Variants in ZNF804A observed in about 807,000 individuals in gnomAD.
ZNF804A encodes the protein zinc finger protein 804A.
ZNF804A carries 2 observed loss-of-function variants against 16.5 expected under a neutral mutation model. That is an observed-to-expected ratio of 0.12 (90% confidence interval 0.05 to 0.38). ZNF804A has a LOEUF of 0.38. Ranked by LOEUF, ZNF804A falls within the 10% of genes least tolerant of loss-of-function variation. ZNF804A has a pLI of 0.99. For missense variants in ZNF804A, 1,473 were observed against 1,390.7 expected, an observed-to-expected ratio of 1.06 and a Z score of -0.94; for synonymous variants, 534 against 489.6, an observed-to-expected ratio of 1.09 and a Z score of -1.20.
rs191953787 is a variant in ZNF804A, at chr2:184,624,224, G to A, written c.111+25154G>A. 4.6e-5 allele frequency among the ~76,000 whole-genome samples: 7 copies of A among 152,162 alleles called. No homozygotes were observed. In the East Asian group the frequency reaches 9.7e-4, roughly 21 times the overall value. On this transcript the variant is annotated intron_variant, in intron 1 of 3. Transcript: ENST00000302277. ...AGAATGGTGATACAACTATGTGTAT[G>A]TACTTAATGCCAATGAGTTATACAC...
intron 1 of ZNF804A, among the ~76,000 whole-genome samples, chr2:184,781,524 CT>C (rs1437024698): frequency 6.6e-6 from 1 of 151,736 alleles, no homozygotes; most frequent in Non-Finnish European, 1.5e-5. Flanking sequence ...ACTTATTCTA[CT>C]TTATGAAAAA....
intron 1 of ZNF804A, among the ~76,000 whole-genome samples, chr2:184,698,575 G>A (rs892696645): frequency 2.0e-5 from 3 of 152,052 alleles, no homozygotes; most frequent in South Asian, 2.1e-4. Flanking sequence ...GCTTTACACT[G>A]CAAATGGTGG....
intron 3 of ZNF804A, 41 bp downstream of exon 3, chr2:184,933,774 C>T (rs767265251): frequency 1.3e-6 from 2 of 1,577,934 alleles, no homozygotes; most frequent in Admixed American, 2.0e-5. Flanking sequence ...TAAAACATGA[C>T]CAAAAAAGGG....
intron 1 of ZNF804A, among the ~76,000 whole-genome samples, chr2:184,681,181 G>A (rs1413320849): frequency 6.6e-6 from 1 of 152,180 alleles, no homozygotes; most frequent in Non-Finnish European, 1.5e-5. Flanking sequence ...AGTGGGCCCA[G>A]GCAAAACTCA....
In ZNF804A at chr2:184,919,182, G is replaced by A. The variant is rs1424687276; in HGVS notation, c.256-14421G>A. ...TTGTGAGAATCATTGAGTGCAGGGA[G>A]GGCAAATCCATACCCAGAGTAAATT... On this transcript the variant is annotated intron_variant, in intron 2 of 3. Transcript: ENST00000302277. Among the ~76,000 whole-genome samples, 4 of 152,308 alleles carry A rather than the reference G, an allele frequency of 2.6e-5. No homozygotes were observed. In the South Asian group the frequency reaches 8.3e-4, roughly 32 times the overall value.
At chr2:184,704,245 G>A (rs558296224) in intron 1 of ZNF804A, among the ~76,000 whole-genome samples, 92 of 151,344 alleles carry the variant, frequency 6.1e-4, no homozygotes, top group African/African-American at 2.1e-3. Context: ...CCCGCCTCCC[G>A]AGATCAAGCA....
chr2:184,888,457 A>G (rs1167665535), intron 2 of ZNF804A, among the ~76,000 whole-genome samples: 2 of 152,184 alleles, frequency 1.3e-5, no homozygotes, highest in Non-Finnish European at 2.9e-5. Context: ...TGGCTCCACT[A>G]AAGCATCCAC....
intron 1 of ZNF804A, among the ~76,000 whole-genome samples, chr2:184,728,703 A>C (rs943204647): frequency 3.9e-5 from 6 of 151,986 alleles, no homozygotes; most frequent in Non-Finnish European, 7.4e-5. Flanking sequence ...AAATGGAAAC[A>C]TGAAAAATAA....
intron 1 of ZNF804A, among the ~76,000 whole-genome samples, chr2:184,657,742 G>A (rs535178272): frequency 2.0e-5 from 3 of 152,134 alleles, no homozygotes; most frequent in Non-Finnish European, 4.4e-5. Context: ...TTCTACAGTT[G>A]CCTGAATACT....
At chr2:184,934,301 G>C (rs1685751139) in intron 3 of ZNF804A, among the ~76,000 whole-genome samples, 1 of 152,128 alleles carries the variant, frequency 6.6e-6, no homozygotes. Flanking sequence ...GGTGTGAACA[G>C]TGTTGTAATT....
intron 1 of ZNF804A, among the ~76,000 whole-genome samples, chr2:184,601,798 A>G (rs1691053163): frequency 6.6e-6 from 1 of 151,900 alleles, no homozygotes; most frequent in Admixed American, 6.6e-5. Context: ...TTACTCAGTG[A>G]AAAGGTACTT....
chr2:184,897,860 T>C (rs6722425), intron 2 of ZNF804A, among the ~76,000 whole-genome samples: 21,091 of 152,084 alleles, frequency 0.14, 1,575 homozygotes, highest in Middle Eastern at 0.24. Context: ...CGCTAGAGTA[T>C]GGTCTAGGCT....
chr2:184,888,956 T>G (rs1253207931), intron 2 of ZNF804A, among the ~76,000 whole-genome samples: 1 of 151,960 alleles, frequency 6.6e-6, no homozygotes, highest in Non-Finnish European at 1.5e-5. Flanking sequence ...AATAAGTTTG[T>G]GATCTGAAAA....
At chr2:184,934,813 A>G (rs1166837867) in intron 3 of ZNF804A, among the ~76,000 whole-genome samples, 1 of 152,150 alleles carries the variant, frequency 6.6e-6, no homozygotes, top group Non-Finnish European at 1.5e-5. Flanking sequence ...TTATATGTAC[A>G]CACAGCCACA....
At chr2:184,756,490 T>C (rs1042737808) in intron 1 of ZNF804A, among the ~76,000 whole-genome samples, 3 of 152,068 alleles carry the variant, frequency 2.0e-5, no homozygotes, top group South Asian at 2.1e-4. Context: ...TAATATTTTC[T>C]TACATTTTAT....
At chr2:184,674,367 G>C (rs894287887) in intron 1 of ZNF804A, among the ~76,000 whole-genome samples, 3 of 151,872 alleles carry the variant, frequency 2.0e-5, no homozygotes, top group African/African-American at 4.8e-5. Context: ...ACAAGGACTA[G>C]AAGAAGATGT....
At chr2:184,738,330 A>G (rs753924115) in intron 1 of ZNF804A, among the ~76,000 whole-genome samples, 4 of 152,110 alleles carry the variant, frequency 2.6e-5, no homozygotes, top group Non-Finnish European at 4.4e-5. Context: ...GGGTTCCTAG[A>G]GTCAGAAACA....
chr2:184,680,976 T>C (rs181727179), intron 1 of ZNF804A, among the ~76,000 whole-genome samples: 44 of 152,316 alleles, frequency 2.9e-4, no homozygotes, highest in Middle Eastern at 6.8e-3. Flanking sequence ...TGCAGCCTCA[T>C]AGGGAGCCTG....
intron 2 of ZNF804A, among the ~76,000 whole-genome samples, chr2:184,878,529 C>T (rs1412221566): frequency 6.6e-6 from 1 of 152,000 alleles, no homozygotes; most frequent in Non-Finnish European, 1.5e-5. Flanking sequence ...TGGACCTCGG[C>T]ATGCCCTCAA....
Sources: gnomAD v4.1 joint callset for allele counts (sites outside exome capture counted in the v4.1 genomes callset) on GRCh38, gnomAD v4.1.1 for gene constraint, MANE v1.5 for transcripts, NCBI Gene and HGNC (gene_info 2026-07-23, HGNC 2026-07-21) for gene names.